The following PARM1 variants were observed in gnomAD, a reference collection of about 807,000 sequenced individuals.
PARM1 encodes the protein prostate androgen-regulated mucin-like protein 1.
PARM1 carries 14 observed loss-of-function variants against 24.6 expected under a neutral mutation model. That is an observed-to-expected ratio of 0.57 (90% CI 0.38 to 0.89). PARM1 has a LOEUF of 0.89. Among genes scored for constraint, PARM1 ranks in the 40% least tolerant of loss-of-function variants. PARM1 has a pLI of 0.00. For missense variants in PARM1, 362 were observed against 380.4 expected (o/e 0.95, Z 0.40); for synonymous variants, 179 against 156.6 (o/e 1.14, Z -1.07).
intron 1 of PARM1, among the ~76,000 whole-genome samples, chr4:74,976,646 G>A (rs1189837650): frequency 6.6e-6 from 1 of 152,212 alleles, no homozygotes; most frequent in African/African-American, 2.4e-5. Context: ...CTCCTGACTG[G>A]GTGAGACATG....
At chr4:74,982,393 A>G (rs1722274205) in intron 1 of PARM1, among the ~76,000 whole-genome samples, 1 of 152,202 alleles carries the variant, frequency 6.6e-6, no homozygotes, top group Admixed American at 6.6e-5. Flanking sequence ...GCAAATCACC[A>G]TGGCACATGT....
intron 1 of PARM1, among the ~76,000 whole-genome samples, chr4:74,977,830 G>T (rs979020462): frequency 2.6e-5 from 4 of 152,126 alleles, no homozygotes; most frequent in African/African-American, 7.2e-5. Flanking sequence ...TTAAAGGAAA[G>T]AATTTCCAAC....
At position 74,933,125 on chromosome 4, in the gene PARM1, C is replaced by A; in HGVS notation, c.-203C>A. The A allele has an allele frequency of 1.9e-6, 1 of 527,176 alleles. No individual in the cohort carries two copies. Among genetic ancestry groups the A allele is most frequent in the Non-Finnish European group, 3.3e-6 (1 of 301,232 alleles). 32.7% of individuals were successfully genotyped at this position (527,176 alleles called of 1,614,324 possible). Reference sequence around the variant, plus strand: ...GCGGCTGGGATGGAGCAGAAGAGCGCGGAGCACCGGAGGGCACGCAGCTGA... The same window carrying A: ...GCGGCTGGGATGGAGCAGAAGAGCGAGGAGCACCGGAGGGCACGCAGCTGA... On this transcript the variant is annotated 5_prime_UTR_variant, in exon 1 of 4. Coordinates refer to ENST00000307428, the MANE Select transcript of PARM1 (RefSeq NM_015393.4).
chr4:74,976,425 G>A (rs1346926962), intron 1 of PARM1, among the ~76,000 whole-genome samples: 2 of 152,166 alleles, frequency 1.3e-5, no homozygotes, highest in East Asian at 1.9e-4. Context: ...ATTCTAGCCA[G>A]GGGTTTACAG....
chr4:74,993,988 A>G (rs763516335), intron 1 of PARM1: 3 of 152,208 alleles, frequency 2.0e-5, no homozygotes, highest in Non-Finnish European at 4.4e-5. Context: ...AGGTTGATGT[A>G]GGTGTAATTA....
intron 1 of PARM1, among the ~76,000 whole-genome samples, chr4:74,985,750 T>G (rs777200617): frequency 1.3e-4 from 20 of 152,034 alleles, no homozygotes; most frequent in Admixed American, 5.9e-4. Flanking sequence ...GAATAATTCA[T>G]TGTGGTTTTT....
chr4:75,033,814 G>A (rs1358760892), intron 2 of PARM1, 69 bp from the exon 3 acceptor site: 3 of 1,263,820 alleles, frequency 2.4e-6, no homozygotes, highest in Non-Finnish European at 3.3e-6. Context: ...TGGATACTAC[G>A]CACGCCAAAG....
intron 1 of PARM1, among the ~76,000 whole-genome samples, 173 bp from the exon 2 acceptor site, chr4:75,012,252 T>C (rs1722883992): frequency 2.0e-5 from 3 of 152,124 alleles, no homozygotes; most frequent in Non-Finnish European, 4.4e-5. Flanking sequence ...TGTAGAGAAA[T>C]TGGTGGGAAG....
chr4:75,048,635 A>G lies in PARM1; in HGVS notation c.*2388A>G, dbSNP rs1391629079. ...AGGGATCAGCCTCTTCCCAGGAACC[A>G]TCGCCTTCTATAAACCGTGAACTCA... On this transcript the variant is annotated 3_prime_UTR_variant, in exon 4 of 4. Transcript: ENST00000307428. The G allele has an allele frequency of 6.6e-6, 1 of 152,408 alleles. No individual in the cohort carries two copies. The highest frequency in any genetic ancestry group is 1.5e-5 in the Non-Finnish European group (1 of 68,030). 9.4% of individuals were successfully genotyped at this position (152,408 alleles called of 1,614,324 possible).
intron 1 of PARM1, among the ~76,000 whole-genome samples, chr4:74,935,916 A>G (rs1434353358): frequency 6.6e-6 from 1 of 152,050 alleles, no homozygotes; most frequent in Non-Finnish European, 1.5e-5. Flanking sequence ...TTCCAGTTCC[A>G]CTGCAACCTC....
At chr4:74,983,933 T>C (rs1042183270) in intron 1 of PARM1, among the ~76,000 whole-genome samples, 2 of 152,186 alleles carry the variant, frequency 1.3e-5, no homozygotes, top group Non-Finnish European at 2.9e-5. Context: ...GCTCCAGTGA[T>C]CGATTGCTTG....
intron 2 of PARM1, among the ~76,000 whole-genome samples, chr4:75,021,586 G>GA (rs1553972483): frequency 4.0e-5 from 6 of 151,420 alleles, no homozygotes; most frequent in African/African-American, 1.5e-4. Flanking sequence ...GCTATAGTTA[G>GA]TTTTTTTTTA....
intron 1 of PARM1, 76 bp from the exon 2 acceptor site, chr4:75,012,349 G>A (rs2109794237): frequency 6.8e-7 from 1 of 1,475,838 alleles, no homozygotes; most frequent in Non-Finnish European, 9.3e-7. Flanking sequence ...AACAGCTGTG[G>A]GTAAAAGCCT....
intron 1 of PARM1, among the ~76,000 whole-genome samples, chr4:74,947,435 A>T (rs951484377): frequency 3.3e-5 from 5 of 152,240 alleles, no homozygotes; most frequent in Non-Finnish European, 5.9e-5. Context: ...CTTAAGAGAC[A>T]TAGCAGCCAA....
intron 1 of PARM1, among the ~76,000 whole-genome samples, chr4:74,934,006 T>C (rs1001444085): frequency 6.6e-6 from 1 of 151,996 alleles, no homozygotes; most frequent in Non-Finnish European, 1.5e-5. Context: ...CAAAAACGTA[T>C]CCCATAGAAG....
Position 75,043,290 on chromosome 4 carries a change from G to T in PARM1, c.849-2873G>T, listed in dbSNP as rs1486494895. Among the ~76,000 whole-genome samples the T allele has an allele frequency of 2.6e-5, 4 of 152,146 alleles. No individual in the cohort carries two copies. In the South Asian group the frequency reaches 8.3e-4, roughly 32 times the overall value. ...TATTTGGCAGATTCACCATGTGCTTGTATAAGATTTATTATATTAAAAATT... is the reference window on the plus strand; with the variant it reads ...TATTTGGCAGATTCACCATGTGCTTTTATAAGATTTATTATATTAAAAATT... On this transcript the variant is annotated intron_variant, in intron 3 of 3. Transcript: ENST00000307428.
chr4:74,971,954 G>A (rs939779684), intron 1 of PARM1, among the ~76,000 whole-genome samples: 1 of 152,156 alleles, frequency 6.6e-6, no homozygotes, highest in South Asian at 2.1e-4. Context: ...ATCTTTCACA[G>A]CCACAAGCAT....
chr4:75,006,683 G>T (rs562209896), intron 1 of PARM1, among the ~76,000 whole-genome samples: 1 of 152,178 alleles, frequency 6.6e-6, no homozygotes, highest in Non-Finnish European at 1.5e-5. Flanking sequence ...GGGTCAAATA[G>T]TATTTCCAGT....
In PARM1 at chr4:74,933,379, C is replaced by A; in HGVS notation, c.43+9C>A. 12 of 1,611,688 alleles carry A rather than the reference C, an allele frequency of 7.4e-6. No individual in the cohort carries two copies. Among genetic ancestry groups the A allele is most frequent in the Non-Finnish European group, 1.0e-5 (12 of 1,178,652 alleles). ...TTGCATCTTAACTGCAGGTAATTGG[C>A]GCCATCCTCCCGGAAGGGCAGGTCG... On this transcript the variant is annotated intron_variant, in intron 1 of 3. Transcript: ENST00000307428.
Sources: gnomAD v4.1 joint callset for allele counts (sites outside exome capture counted in the v4.1 genomes callset) on GRCh38, gnomAD v4.1.1 for gene constraint, MANE v1.5 for transcripts, NCBI Gene and HGNC (gene_info 2026-07-23, HGNC 2026-07-21) for gene names.